The following HECW1 variants were observed in gnomAD, a reference collection of about 807,000 sequenced individuals.
HECW1 encodes HECT, C2 and WW domain containing E3 ubiquitin protein ligase 1.
In HECW1, 61 loss-of-function variants were observed where a neutral mutation model predicts 182.3. That is an observed-to-expected ratio of 0.33 (90% CI 0.27 to 0.41). The LOEUF (loss-of-function observed/expected upper bound fraction) is 0.41, where lower values mean the gene tolerates loss of function less well. Ranked by LOEUF, HECW1 falls within the 10% of genes least tolerant of loss-of-function variation. HECW1 has a pLI of 1.00. For synonymous variants in HECW1, 859 were observed against 832.6 expected, an observed-to-expected ratio of 1.03 and a Z score of -0.55; for missense variants, 1,739 against 2,108.9, an observed-to-expected ratio of 0.82 and a Z score of 3.44.
chr7:43,451,495 G>C (rs2077234133), intron 12 of HECW1, among the ~76,000 whole-genome samples: 1 of 152,140 alleles, frequency 6.6e-6, no homozygotes, highest in African/African-American at 2.4e-5. Flanking sequence ...GTTTCTCCTG[G>C]TAACTGTAGT....
intron 3 of HECW1, chr7:43,249,204 A>C (rs1432009006): frequency 1.3e-5 from 2 of 152,426 alleles, no homozygotes; most frequent in East Asian, 3.8e-4. Flanking sequence ...TCCGCCACTA[A>C]CATTTTCCCA....
chr7:43,453,370 C>G (rs189319743), intron 12 of HECW1, among the ~76,000 whole-genome samples: 3 of 152,166 alleles, frequency 2.0e-5, no homozygotes, highest in African/African-American at 7.2e-5. Context: ...AGATAGGTAT[C>G]AAAAATGACC....
intron 12 of HECW1, among the ~76,000 whole-genome samples, chr7:43,454,689 A>G (rs938603771): frequency 6.6e-6 from 1 of 152,214 alleles, no homozygotes; most frequent in African/African-American, 2.4e-5. Flanking sequence ...TCATGCCACA[A>G]ACAGATATAC....
chr7:43,473,058 G>A (rs1474557828), intron 16 of HECW1, among the ~76,000 whole-genome samples: 5 of 152,192 alleles, frequency 3.3e-5, no homozygotes, highest in African/African-American at 9.7e-5. Context: ...AGATCCCTCA[G>A]GAAGAACTGG....
chr7:43,231,861 CAA>C (rs534989671), intron 2 of HECW1, among the ~76,000 whole-genome samples: 10 of 144,292 alleles, frequency 6.9e-5, no homozygotes, highest in African/African-American at 2.5e-4. Flanking sequence ...CTAAAAAATA[CAA>C]AAAAAAAAAT....
intron 2 of HECW1, among the ~76,000 whole-genome samples, chr7:43,123,387 T>TAGGGCCAAGGCACTAGGTCTGCTTGCC (rs1785843921): frequency 6.6e-6 from 1 of 152,168 alleles, no homozygotes; most frequent in Non-Finnish European, 1.5e-5. Context: ...TTGGGTCCCT[T>TAGGGCCAAGGCACTAGGTCTGCTTGCC]AGGGCCAAGG....
At chr7:43,310,791 C>G (rs946398499) in intron 3 of HECW1, among the ~76,000 whole-genome samples, 1 of 152,198 alleles carries the variant, frequency 6.6e-6, no homozygotes, top group Non-Finnish European at 1.5e-5. Context: ...TTCCTGGGAT[C>G]TAAACTTCAT....
At chr7:43,317,445 A>T (rs1231384488) in intron 4 of HECW1, among the ~76,000 whole-genome samples, 1 of 152,252 alleles carries the variant, frequency 6.6e-6, no homozygotes, top group Non-Finnish European at 1.5e-5. Flanking sequence ...TTAGGCAGTT[A>T]TCCTGATTCC....
intron 13 of HECW1, among the ~76,000 whole-genome samples, chr7:43,463,222 A>G (rs2077647514): frequency 6.6e-6 from 1 of 152,256 alleles, no homozygotes; most frequent in Non-Finnish European, 1.5e-5. Flanking sequence ...CCTCTGCCCA[A>G]TTATATCAAT....
At position 43,561,957 on chromosome 7, in the gene HECW1, G is replaced by T. The variant is rs879778700; in HGVS notation, c.*31G>T. 6.2e-6 allele frequency: 8 copies of T among 1,285,016 alleles called. No individual in the cohort carries two copies. Among genetic ancestry groups the T allele is most frequent in the Non-Finnish European group, 9.1e-6 (8 of 880,416 alleles). The allele number at this position is 1,285,016 out of a possible 1,614,324, so 79.6% of individuals were successfully genotyped here. On this transcript the variant is annotated 3_prime_UTR_variant, in exon 30 of 30. Transcript: ENST00000395891. ...TGGAACCTCGCCTGACATTTTCCTG[G>T]CCAGTGACATCACCCTTCCTGGGAT... is the stretch of plus-strand genomic sequence containing the variant.
At chr7:43,304,474 A>ATTTC (rs1161339073) in intron 3 of HECW1, among the ~76,000 whole-genome samples, 1 of 144,696 alleles carries the variant, frequency 6.9e-6, no homozygotes, top group East Asian at 2.0e-4. Flanking sequence ...TTATTTATTT[A>ATTTC]TTTATTTATT....
chr7:43,561,602 AAAC>A (rs1192254251), intron 29 of HECW1, among the ~76,000 whole-genome samples: 4 of 152,242 alleles, frequency 2.6e-5, no homozygotes, highest in African/African-American at 9.6e-5. Flanking sequence ...TTGCAAATGC[AAAC>A]AACCCATTTT....
chr7:43,158,764 A>G (rs986497039), intron 2 of HECW1, among the ~76,000 whole-genome samples: 2 of 152,124 alleles, frequency 1.3e-5, no homozygotes, highest in African/African-American at 2.4e-5. Flanking sequence ...CCTTGAGACA[A>G]TGGTAACTGC....
At chr7:43,494,458 C>T (rs2079042575) in intron 19 of HECW1, among the ~76,000 whole-genome samples, 1 of 152,002 alleles carries the variant, frequency 6.6e-6, no homozygotes, top group Non-Finnish European at 1.5e-5. Context: ...CCTCCCTACC[C>T]TTCAAAAAAG....
intron 2 of HECW1, among the ~76,000 whole-genome samples, chr7:43,146,533 G>T (rs531404836): frequency 2.4e-4 from 37 of 152,220 alleles, no homozygotes; most frequent in Non-Finnish European, 4.6e-4. Context: ...GGGAGAAAGG[G>T]AATGGAACAT....
chr7:43,466,361 T>G (rs2152896913), intron 14 of HECW1, 86 bp from the exon 15 acceptor site: 2 of 1,384,336 alleles, frequency 1.4e-6, no homozygotes, highest in East Asian at 4.6e-5. Context: ...TGAAGGCTTG[T>G]GTGCTGCCAC....
chr7:43,213,538 C>T (rs372866326), intron 2 of HECW1, among the ~76,000 whole-genome samples: 13 of 150,552 alleles, frequency 8.6e-5, no homozygotes, highest in East Asian at 2.0e-4. Flanking sequence ...CTCCACCTTC[C>T]GGGTTCACAC....
At chr7:43,290,131 G>C (rs150638662) in intron 3 of HECW1, among the ~76,000 whole-genome samples, 1 of 152,354 alleles carries the variant, frequency 6.6e-6, no homozygotes, top group East Asian at 1.9e-4. Flanking sequence ...GAAAGGTCTG[G>C]AAAGTGAAGG....
intron 2 of HECW1, among the ~76,000 whole-genome samples, chr7:43,145,497 A>G (rs577525743): frequency 2.0e-5 from 3 of 152,092 alleles, no homozygotes; most frequent in Non-Finnish European, 4.4e-5. Context: ...GGGTTTTGCT[A>G]TGTTGCCCAG....
Sources: gnomAD v4.1 joint callset for allele counts (sites outside exome capture counted in the v4.1 genomes callset) on GRCh38, gnomAD v4.1.1 for gene constraint, MANE v1.5 for transcripts, NCBI Gene and HGNC (gene_info 2026-07-23, HGNC 2026-07-21) for gene names.